ZNF559: variants seen among roughly 807,000 people sequenced by gnomAD.
The protein encoded by ZNF559 is zinc finger protein 559.
Under a neutral mutation model 14.2 loss-of-function variants are expected in ZNF559, and 17 were observed. The observed-to-expected ratio is 1.20, with a 90% CI of 0.82 to 1.80. The LOEUF (loss-of-function observed/expected upper bound fraction) is 1.80. Ranked by LOEUF, ZNF559 falls within the 40% of genes most tolerant of loss-of-function variation. ZNF559 has a pLI of 0.00. For synonymous variants in ZNF559, 244 were observed against 212.4 expected, an observed-to-expected ratio of 1.15 and a Z score of -1.29; for missense variants, 740 against 629.7, an observed-to-expected ratio of 1.18 and a Z score of -1.88.
In ZNF559 at chr19:9,344,306, TGAG is replaced by T. The variant is rs1465829380; in HGVS notation, c.*1241_*1243del. On this transcript the variant is annotated 3_prime_UTR_variant, in exon 7 of 7. Coordinates refer to ENST00000603380, the MANE Select transcript of ZNF559 (RefSeq NM_032497.3). ...AATGAAAAACTTAGTTATAGGGAAT[TGAG>T]GAACATTTAGGGGTACAAATTTTCA... The T allele has an allele frequency of 1.3e-5, 2 of 152,048 alleles. No individual in the cohort carries two copies. The highest frequency in any genetic ancestry group is 4.8e-5 in the African/African-American group (2 of 41,386). The allele number at this position is 152,048 out of a possible 1,614,324, so 9.4% of individuals were successfully genotyped here. A position where few individuals can be genotyped will look rare whatever the true frequency, so the allele number is the denominator to read the frequency against.
At chr19:9,338,472 G>C in intron 3 of ZNF559, 22 bp from the exon 4 acceptor site, 1 of 1,592,866 alleles carries the variant, frequency 6.3e-7, no homozygotes, top group Non-Finnish European at 8.6e-7. Context: ...TGGATTCTCA[G>C]ATTTTATTTC....
Position 9,339,337 on chromosome 19 carries a change from C to G in ZNF559, c.160+18C>G. The G allele has an allele frequency of 1.3e-6, 2 of 1,583,614 alleles. No individual in the cohort carries two copies. The highest frequency in any genetic ancestry group is 1.7e-6 in the Non-Finnish European group (2 of 1,164,204). ...TGCAGTAGGTAAGGCTGGTACCATT[C>G]TTTTCATTTAGTTTTTTTCTGGAAC... is the stretch of plus-strand genomic sequence containing the variant. On this transcript the variant is annotated intron_variant, in intron 5 of 6. Coordinates refer to ENST00000603380, the MANE Select transcript of ZNF559 (RefSeq NM_032497.3).
chr19:9,325,310 G>A lies in ZNF559; in HGVS notation c.-120+530G>A, dbSNP rs1330948469. Among the ~76,000 whole-genome samples the A allele has an allele frequency of 2.0e-5, 3 of 152,078 alleles. No homozygotes were observed. In the East Asian group the frequency reaches 5.8e-4, roughly 30 times the overall value. ...AAAAATAAAAAATTAGCTGGGCATG[G>A]TGGTGTCTGTGGTCCCATCCACTTT... On this transcript the variant is annotated intron_variant, in intron 2 of 6. Transcript: ENST00000603380.
At position 9,324,691 on chromosome 19, in the gene ZNF559, T is replaced by C; in HGVS notation, c.-205-4T>C. Reference sequence around the variant, plus strand: ...CATCCAGCGTTGTGCCTTTTCTCTATAAGGAACAGCATCTCTGCCTTCCTG... The same window carrying C: ...CATCCAGCGTTGTGCCTTTTCTCTACAAGGAACAGCATCTCTGCCTTCCTG... On this transcript the variant is annotated splice_region_variant and splice_polypyrimidine_tract_variant and intron_variant, in intron 1 of 6. Transcript: ENST00000603380. The C allele has an allele frequency of 9.2e-6, 14 of 1,524,976 alleles. No homozygotes were observed. Among genetic ancestry groups the C allele is most frequent in the Non-Finnish European group, 1.2e-5 (14 of 1,140,864 alleles). 94.5% of individuals were successfully genotyped at this position (1,524,976 alleles called of 1,614,324 possible).
chr19:9,325,786 CAAAAA>C (rs35775585), intron 2 of ZNF559, among the ~76,000 whole-genome samples: 2 of 139,146 alleles, frequency 1.4e-5, no homozygotes, highest in Non-Finnish European at 1.6e-5. Context: ...ACTCCGTCTC[CAAAAA>C]AAAAAAAAAA....
At position 9,342,570 on chromosome 19, in the gene ZNF559, A is replaced by C. The variant is rs774832361; in HGVS notation, c.1119A>C (p.Arg373Ser). 4 of 1,614,100 alleles carry C rather than the reference A, an allele frequency of 2.5e-6. No individual in the cohort carries two copies. The highest frequency in any genetic ancestry group is 3.4e-6 in the Non-Finnish European group (4 of 1,180,004). Residue 373 changes from arginine to serine, a missense_variant, in exon 7 of 7, where the codon AGA becomes AGC. Arg to Ser is a moderately radical substitution (Grantham distance 110). Coordinates refer to ENST00000603380, the MANE Select transcript of ZNF559 (RefSeq NM_032497.3). ...CTTCACATCTTACTGTACATATGAG[A>C]ACTCACACTGGTGAGAAGCCTTATC... ...ANSSHLTVHM[R>S]THTGEKPYQC...
chr19:9,342,702 C>CTTCA lies in ZNF559; in HGVS notation c.1255_1258dup (p.Arg420HisfsTer20), dbSNP rs750466508. On this transcript the variant is annotated frameshift_variant, in exon 7 of 7. Coordinates refer to ENST00000603380, the MANE Select transcript of ZNF559 (RefSeq NM_032497.3). LOFTEE classifies it low-confidence loss of function (END_TRUNC). ...ATGACTGTCAACAGTGTGGGAAAGC[C>CTTCA]TTCATTCGATCCTCATTTCTTATTC... The CTTCA allele has an allele frequency of 1.5e-5, 24 of 1,614,062 alleles. No homozygotes were observed. The highest frequency in any genetic ancestry group is 1.6e-4 in the Middle Eastern group (1 of 6,084).
intron 4 of ZNF559, 101 bp downstream of exon 4, chr19:9,338,683 C>T: frequency 1.1e-6 from 1 of 870,036 alleles, no homozygotes; most frequent in Non-Finnish European, 1.9e-6. Context: ...CAAAGAGGGT[C>T]TGCTTAGGGA....
chr19:9,341,212 T>A, intron 6 of ZNF559, 28 bp downstream of exon 6: 1 of 1,596,118 alleles, frequency 6.3e-7, no homozygotes, highest in Non-Finnish European at 8.6e-7. Context: ...TAATTTATTG[T>A]CTTCCATGTT....
chr19:9,324,983 C>T (rs1157339842), intron 2 of ZNF559, among the ~76,000 whole-genome samples: 1 of 152,192 alleles, frequency 6.6e-6, no homozygotes, highest in Non-Finnish European at 1.5e-5. Context: ...GGTTCCAGGC[C>T]ATCACCTAGA....
intron 2 of ZNF559, among the ~76,000 whole-genome samples, chr19:9,330,541 ATTT>A (rs1430036860): frequency 1.3e-5 from 2 of 151,624 alleles, no homozygotes; most frequent in Non-Finnish European, 2.9e-5. Flanking sequence ...ACTATAATCT[ATTT>A]TTTATTTTGT....
intron 1 of ZNF559, chr19:9,324,494 C>T (rs1169099570): frequency 1.6e-5 from 22 of 1,372,708 alleles, no homozygotes; most frequent in Admixed American, 8.5e-5. Flanking sequence ...CTGCTCCCCT[C>T]TGCAGAAGCC....
chr19:9,329,954 G>A (rs1019618273), intron 2 of ZNF559, among the ~76,000 whole-genome samples: 2 of 152,124 alleles, frequency 1.3e-5, no homozygotes, highest in Admixed American at 6.5e-5. Context: ...GAGCCACCGT[G>A]CCCCACCTGT....
chr19:9,341,052 T>A (rs1432626206), intron 5 of ZNF559, 50 bp from the exon 6 acceptor site: 9 of 1,451,318 alleles, frequency 6.2e-6, no homozygotes, highest in East Asian at 2.3e-5. Context: ...ACACCCTTTT[T>A]AAAATCATTA....
At position 9,341,795 on chromosome 19, in the gene ZNF559, GA is replaced by G; in HGVS notation, c.347del (p.Lys116ArgfsTer89). ...CLKTHRRTYF[R>X]KKTCECNQCE... ...AAGACTCACAGGAGAACTTACTTTA[GA>G]AAGAAAACCTGTGAGTGTAATCAAT... is the stretch of plus-strand genomic sequence containing the variant. On this transcript the variant is annotated frameshift_variant, in exon 7 of 7. Coordinates refer to ENST00000603380, the MANE Select transcript of ZNF559 (RefSeq NM_032497.3). LOFTEE classifies it low-confidence loss of function (END_TRUNC). The G allele has an allele frequency of 6.2e-7, 1 of 1,608,722 alleles. No individual in the cohort carries two copies. Among genetic ancestry groups the G allele is most frequent in the East Asian group, 2.2e-5 (1 of 44,820 alleles).
chr19:9,325,471 C>G (rs1477114596), intron 2 of ZNF559, among the ~76,000 whole-genome samples: 1 of 151,210 alleles, frequency 6.6e-6, no homozygotes, highest in Non-Finnish European at 1.5e-5. Context: ...AAATACTGAT[C>G]TAGAGAACAT....
intron 6 of ZNF559, 67 bp downstream of exon 6, chr19:9,341,251 G>C (rs770391921): frequency 2.0e-6 from 3 of 1,471,224 alleles, no homozygotes; most frequent in African/African-American, 2.8e-5. Context: ...CCTTAAAATG[G>C]AAAAGCAGCA....
At chr19:9,337,275 A>G (rs2067290791) in intron 2 of ZNF559, among the ~76,000 whole-genome samples, 1 of 152,234 alleles carries the variant, frequency 6.6e-6, no homozygotes, top group African/African-American at 2.4e-5. Flanking sequence ...CATAAATCAT[A>G]TTGTTAGCAT....
chr19:9,338,775 CCA>C (rs2067378829), intron 4 of ZNF559, among the ~76,000 whole-genome samples, 193 bp downstream of exon 4: 1 of 152,108 alleles, frequency 6.6e-6, no homozygotes, highest in African/African-American at 2.4e-5. Flanking sequence ...TTGTACTATC[CCA>C]CTGTTTACTA....
Sources: gnomAD v4.1 joint callset for allele counts (sites outside exome capture counted in the v4.1 genomes callset) on GRCh38, gnomAD v4.1.1 for gene constraint, MANE v1.5 for transcripts, NCBI Gene and HGNC (gene_info 2026-07-23, HGNC 2026-07-21) for gene names.